Variants in RIN2 observed in about 807,000 individuals in gnomAD.
RIN2 encodes RAB5 interacting protein 2.
Under a neutral mutation model 78.0 loss-of-function variants are expected in RIN2, and 36 were observed. That is an observed-to-expected ratio of 0.46 (90% confidence interval 0.35 to 0.61). The LOEUF (loss-of-function observed/expected upper bound fraction) is 0.61, where lower values mean the gene tolerates loss of function less well. Ranked by LOEUF, RIN2 falls within the 20% of genes least tolerant of loss-of-function variation. The pLI, the probability that RIN2 is intolerant of heterozygous loss-of-function variation, is 0.00. For missense variants in RIN2, 1,087 were observed against 1,159.7 expected (o/e 0.94, Z 0.91); for synonymous variants, 466 against 466.8 (o/e 1.00, Z 0.02).
chr20:19,844,053 A>T (rs1358143804), intron 2 of RIN2, among the ~76,000 whole-genome samples: 1 of 152,216 alleles, frequency 6.6e-6, no homozygotes. Context: ...TTTCAATATG[A>T]TGGTAAATCA....
rs1179614185 is a variant in RIN2 at position 19,822,551 on chromosome 20, G to A, written c.-37+22804G>A. 2.6e-5 allele frequency among the ~76,000 whole-genome samples: 4 copies of A among 151,982 alleles called. 1 individual carries two copies. The highest frequency in any genetic ancestry group is 4.2e-4 in the South Asian group (2 of 4,818). ...CCCTCCAAATGTCTTCATTCCATCC[G>A]GTATTAGAATTACTTACAGCACTGG... On this transcript the variant is annotated intron_variant, in intron 2 of 12. Transcript: ENST00000255006.
At chr20:19,777,275 T>C (rs1385233660) in intron 1 of RIN2, among the ~76,000 whole-genome samples, 2 of 152,242 alleles carry the variant, frequency 1.3e-5, no homozygotes, top group Non-Finnish European at 2.9e-5. Context: ...TCTCTTTCCC[T>C]CTTCACCCCA....
At chr20:19,865,439 A>G (rs2037472957) in intron 2 of RIN2, among the ~76,000 whole-genome samples, 1 of 151,618 alleles carries the variant, frequency 6.6e-6, no homozygotes, top group Non-Finnish European at 1.5e-5. Context: ...TCCTTCAGGG[A>G]TTACACAATT....
chr20:19,972,979 T>A (rs998254016), intron 8 of RIN2, among the ~76,000 whole-genome samples: 1 of 151,882 alleles, frequency 6.6e-6, no homozygotes, highest in African/African-American at 2.4e-5. Flanking sequence ...TTTTAAGGTA[T>A]GAAATGTTTT....
At chr20:19,999,223 C>T (rs2043065587) in intron 12 of RIN2, among the ~76,000 whole-genome samples, 1 of 152,016 alleles carries the variant, frequency 6.6e-6, no homozygotes, top group East Asian at 1.9e-4. Flanking sequence ...TACGTAGCCT[C>T]TCTGTGCCTC....
chr20:19,886,606 CTTCTTCTTTTTT>C, intron 2 of RIN2: 1 of 829,370 alleles, frequency 1.2e-6, no homozygotes, highest in African/African-American at 2.1e-5. Context: ...TCTTCTTCTT[CTTCTTCTTTTTT>C]TTTTTTTTTT....
chr20:19,873,529 G>A (rs537439451), intron 2 of RIN2, among the ~76,000 whole-genome samples: 140 of 152,310 alleles, frequency 9.2e-4, no homozygotes, highest in African/African-American at 3.2e-3. Context: ...GCCTGAAACA[G>A]CTATAGACTA....
chr20:19,769,691 T>C (rs1023672796), intron 1 of RIN2, among the ~76,000 whole-genome samples: 3 of 152,254 alleles, frequency 2.0e-5, no homozygotes, highest in Non-Finnish European at 4.4e-5. Flanking sequence ...TCCATGTGTT[T>C]GCTATTCTGA....
At chr20:19,885,936 A>C (rs2038170148) in intron 2 of RIN2, among the ~76,000 whole-genome samples, 1 of 151,922 alleles carries the variant, frequency 6.6e-6, no homozygotes, top group Non-Finnish European at 1.5e-5. Context: ...ACGTTGGACT[A>C]AAGAAATTAA....
chr20:19,900,824 C>T (rs924279610), intron 3 of RIN2, among the ~76,000 whole-genome samples: 11 of 151,316 alleles, frequency 7.3e-5, no homozygotes, highest in Non-Finnish European at 8.8e-5. Context: ...GTGGCGCATG[C>T]CTGTAATCCC....
chr20:19,989,305 A>T (rs2042722421), intron 9 of RIN2, among the ~76,000 whole-genome samples: 1 of 132,752 alleles, frequency 7.5e-6, no homozygotes, highest in African/African-American at 2.9e-5. Flanking sequence ...ATGGAGTATC[A>T]CTCTGTCACC....
chr20:19,902,144 C>G (rs1392962044), intron 3 of RIN2, among the ~76,000 whole-genome samples: 1 of 151,748 alleles, frequency 6.6e-6, no homozygotes, highest in African/African-American at 2.4e-5. Flanking sequence ...GTTAAGAAAA[C>G]TGAGGCATGA....
intron 9 of RIN2, among the ~76,000 whole-genome samples, chr20:19,982,529 G>A (rs1290703492): frequency 3.9e-5 from 6 of 152,164 alleles, no homozygotes; most frequent in African/African-American, 1.4e-4. Context: ...AGTCAGGGGC[G>A]AGTGGTGGCT....
intron 2 of RIN2, among the ~76,000 whole-genome samples, chr20:19,825,890 T>C (rs2036075357): frequency 6.6e-6 from 1 of 152,242 alleles, no homozygotes; most frequent in African/African-American, 2.4e-5. Flanking sequence ...TTTTGTATCC[T>C]AATTATTTCA....
At chr20:19,886,019 C>T (rs575222141) in intron 2 of RIN2, among the ~76,000 whole-genome samples, 6 of 149,144 alleles carry the variant, frequency 4.0e-5, no homozygotes, top group Admixed American at 2.7e-4. Flanking sequence ...GAATAGGCGA[C>T]GGGGGAGGGC....
chr20:19,893,260 G>A (rs1410910617), intron 3 of RIN2, among the ~76,000 whole-genome samples: 1 of 152,132 alleles, frequency 6.6e-6, no homozygotes, highest in African/African-American at 2.4e-5. Flanking sequence ...CTACCGCAAC[G>A]CACTTCTCAG....
intron 3 of RIN2, among the ~76,000 whole-genome samples, chr20:19,924,954 G>C (rs1440483597): frequency 6.6e-6 from 1 of 150,760 alleles, no homozygotes; most frequent in Non-Finnish European, 1.5e-5. Context: ...GGTCAGGCTG[G>C]TCTCAAACTC....
chr20:19,971,933 C>A (rs531793237), intron 8 of RIN2, among the ~76,000 whole-genome samples: 6 of 151,926 alleles, frequency 3.9e-5, no homozygotes, highest in African/African-American at 1.2e-4. Flanking sequence ...GTAGCGACGG[C>A]GTTTCACCAC....
chr20:19,905,196 GC>G (rs1183245911), intron 3 of RIN2, among the ~76,000 whole-genome samples: 1 of 152,162 alleles, frequency 6.6e-6, no homozygotes, highest in African/African-American at 2.4e-5. Flanking sequence ...CAAAAGCTGA[GC>G]CAGAACAGAC....
Sources: gnomAD v4.1 joint callset for allele counts (sites outside exome capture counted in the v4.1 genomes callset) on GRCh38, gnomAD v4.1.1 for gene constraint, MANE v1.5 for transcripts, NCBI Gene and HGNC (gene_info 2026-07-23, HGNC 2026-07-21) for gene names.